The following RAP1A variants were observed in gnomAD, a reference collection of about 807,000 sequenced individuals.
The protein encoded by RAP1A is ras-related protein Rap-1A.
In RAP1A, 6 loss-of-function variants were observed where a neutral mutation model predicts 26.4. The observed-to-expected ratio is 0.23, with a 90% CI of 0.12 to 0.45. The LOEUF (loss-of-function observed/expected upper bound fraction) is 0.45. RAP1A is among the 20% of genes least tolerant of loss of function. The pLI, the probability that RAP1A is intolerant of heterozygous loss-of-function variation, is 0.99. For missense variants in RAP1A, 121 were observed against 217.2 expected (o/e 0.56, Z 2.78); for synonymous variants, 73 against 79.4 (o/e 0.92, Z 0.43).
rs975161800 is a variant in RAP1A, at chr1:111,714,634, T to G, written c.*2233T>G. ...AACGCCTTTCTGGCACACAGTGATATGCAGAGCAGGACCAGCTGAAGTCAG... is the reference window on the plus strand; with the variant it reads ...AACGCCTTTCTGGCACACAGTGATAGGCAGAGCAGGACCAGCTGAAGTCAG... On this transcript the variant is annotated 3_prime_UTR_variant, in exon 8 of 8. Transcript: ENST00000369709. 1 of 152,200 alleles carries G rather than the reference T, an allele frequency of 6.6e-6. No homozygotes were observed. Among genetic ancestry groups the G allele is most frequent in the Non-Finnish European group, 1.5e-5 (1 of 68,052 alleles). The allele number at this position is 152,200 out of a possible 1,614,324, so 9.4% of individuals were successfully genotyped here. A position where few individuals can be genotyped will look rare whatever the true frequency, so the allele number is the denominator to read the frequency against.
At chr1:111,676,916 C>T (rs964475799) in intron 1 of RAP1A, among the ~76,000 whole-genome samples, 1 of 152,048 alleles carries the variant, frequency 6.6e-6, no homozygotes, top group Non-Finnish European at 1.5e-5. Flanking sequence ...GCCTCAGCCT[C>T]CCGAGTAGCC....
intron 1 of RAP1A, among the ~76,000 whole-genome samples, chr1:111,655,231 A>G (rs1442001646): frequency 8.6e-6 from 1 of 115,888 alleles, no homozygotes; most frequent in Non-Finnish European, 1.8e-5. Context: ...ATGCAAAATA[A>G]CTGAAAAAAA....
intron 1 of RAP1A, among the ~76,000 whole-genome samples, chr1:111,630,921 G>A (rs562130448): frequency 6.6e-6 from 1 of 152,168 alleles, no homozygotes; most frequent in South Asian, 2.1e-4. Flanking sequence ...ATTTAAATCT[G>A]TAGGGTAACC....
chr1:111,549,778 A>T, intron 1 of RAP1A, among the ~76,000 whole-genome samples: 1 of 152,066 alleles, frequency 6.6e-6, no homozygotes, highest in East Asian at 1.9e-4. Flanking sequence ...CCCCCCATGT[A>T]TCTAGAGCTA....
intron 1 of RAP1A, among the ~76,000 whole-genome samples, chr1:111,552,885 T>C (rs1657326162): frequency 6.6e-6 from 1 of 152,240 alleles, no homozygotes; most frequent in African/African-American, 2.4e-5. Context: ...CTGCATATAG[T>C]GAACACTCAA....
At chr1:111,599,080 C>A (rs1266823930) in intron 1 of RAP1A, among the ~76,000 whole-genome samples, 1 of 152,188 alleles carries the variant, frequency 6.6e-6, no homozygotes, top group Non-Finnish European at 1.5e-5. Context: ...TCTGGACATG[C>A]CACTCTCTAG....
At chr1:111,624,436 G>GTA (rs1328700160) in intron 1 of RAP1A, among the ~76,000 whole-genome samples, 1 of 152,164 alleles carries the variant, frequency 6.6e-6, no homozygotes, top group Non-Finnish European at 1.5e-5. Context: ...TGTAATAGTG[G>GTA]TATAGATTTG....
At chr1:111,652,253 C>A (rs547839474) in intron 1 of RAP1A, among the ~76,000 whole-genome samples, 1 of 152,336 alleles carries the variant, frequency 6.6e-6, no homozygotes, top group South Asian at 2.1e-4. Flanking sequence ...GGATTATAGG[C>A]CTGACCCAGT....
intron 1 of RAP1A, among the ~76,000 whole-genome samples, chr1:111,654,485 C>G (rs535919794): frequency 3.2e-4 from 49 of 152,256 alleles, no homozygotes; most frequent in Admixed American, 5.9e-4. Flanking sequence ...TTCAAATCCT[C>G]GTTCTGCCAT....
chr1:111,701,581 G>A (rs920981370), intron 4 of RAP1A, among the ~76,000 whole-genome samples: 1 of 152,168 alleles, frequency 6.6e-6, no homozygotes, highest in African/African-American at 2.4e-5. Flanking sequence ...TATGTCAGTG[G>A]ATATTTGTTG....
chr1:111,672,929 A>G (rs531797967), intron 1 of RAP1A, among the ~76,000 whole-genome samples: 2 of 151,968 alleles, frequency 1.3e-5, no homozygotes, highest in East Asian at 3.9e-4. Context: ...TTCTTAGTTT[A>G]CCTCTGGAAA....
intron 1 of RAP1A, among the ~76,000 whole-genome samples, chr1:111,624,439 T>G (rs1286744903): frequency 2.6e-5 from 4 of 152,240 alleles, no homozygotes; most frequent in African/African-American, 7.2e-5. Context: ...AATAGTGGTA[T>G]AGATTTGCAC....
chr1:111,705,553 A>T (rs1662163990), intron 6 of RAP1A, among the ~76,000 whole-genome samples: 2 of 152,174 alleles, frequency 1.3e-5, no homozygotes. Flanking sequence ...TTGTTTTTTT[A>T]TGTGAAACCA....
At chr1:111,559,378 G>C (rs1039630294) in intron 1 of RAP1A, among the ~76,000 whole-genome samples, 10 of 152,110 alleles carry the variant, frequency 6.6e-5, no homozygotes, top group African/African-American at 2.4e-4. Context: ...TTACGATTCA[G>C]CAGTGACCTA....
At chr1:111,542,214 A>T (rs1408518825), upstream of RAP1A, 22 of 575,334 alleles carry the variant, frequency 3.8e-5, no homozygotes, top group South Asian at 2.8e-4. Context: ...TTAATGAAAC[A>T]GACATCCTTC....
chr1:111,550,939 A>G (rs895712813), intron 1 of RAP1A, among the ~76,000 whole-genome samples: 10 of 152,212 alleles, frequency 6.6e-5, no homozygotes, highest in East Asian at 5.8e-4. Flanking sequence ...TATCATTGTT[A>G]TATCTTCATA....
chr1:111,619,807 C>CCTGCCGCCGCCGCTCCCGCTG lies in RAP1A; in HGVS notation c.-151_-131dup. 1 of 399,054 alleles carries CCTGCCGCCGCCGCTCCCGCTG rather than the reference C, an allele frequency of 2.5e-6. No individual in the cohort carries two copies. Among genetic ancestry groups the CCTGCCGCCGCCGCTCCCGCTG allele is most frequent in the Non-Finnish European group, 4.4e-6 (1 of 226,828 alleles). 24.7% of individuals were successfully genotyped at this position (399,054 alleles called of 1,614,324 possible). A position where few individuals can be genotyped will look rare whatever the true frequency, so the allele number is the denominator to read the frequency against. ...AGGCGCCGCCGCCGCTCCCGAGGCCCCTGCCGCCGCCGCTCCCGCTGCTGT... is the reference window on the plus strand; with the variant it reads ...AGGCGCCGCCGCCGCTCCCGAGGCCCCTGCCGCCGCCGCTCCCGCTGCTGCCGCCGCCGCTCCCGCTGCTGT... On this transcript the variant is annotated 5_prime_UTR_variant, in exon 1 of 8. Coordinates refer to ENST00000369709, the MANE Select transcript of RAP1A (RefSeq NM_002884.4).
At chr1:111,559,168 G>A (rs1404240360) in intron 1 of RAP1A, among the ~76,000 whole-genome samples, 2 of 151,078 alleles carry the variant, frequency 1.3e-5, no homozygotes, top group African/African-American at 2.4e-5. Flanking sequence ...AAACTTGTGG[G>A]ATACAACTAA....
At chr1:111,629,349 A>G (rs931772231) in intron 1 of RAP1A, among the ~76,000 whole-genome samples, 1 of 152,170 alleles carries the variant, frequency 6.6e-6, no homozygotes, top group Admixed American at 6.5e-5. Context: ...AGCTCTACTC[A>G]TACTTTCCAC....
Sources: gnomAD v4.1 joint callset for allele counts (sites outside exome capture counted in the v4.1 genomes callset) on GRCh38, gnomAD v4.1.1 for gene constraint, MANE v1.5 for transcripts, NCBI Gene and HGNC (gene_info 2026-07-23, HGNC 2026-07-21) for gene names.